The following COL9A1 variants were observed in gnomAD, a reference collection of about 807,000 sequenced individuals.
COL9A1 encodes collagen alpha-1(IX) chain.
A neutral mutation model predicts 142.6 loss-of-function variants in COL9A1; 104 were observed. The ratio of observed to expected loss-of-function variants is 0.73; its 90% CI spans 0.62 to 0.86. COL9A1 has a LOEUF of 0.86. COL9A1 is among the 40% of genes least tolerant of loss of function. The pLI, the probability that COL9A1 is intolerant of heterozygous loss-of-function variation, is 0.00. For synonymous variants in COL9A1, 466 were observed against 396.0 expected, an observed-to-expected ratio of 1.18 and a Z score of -2.10; for missense variants, 1,210 against 1,176.6, an observed-to-expected ratio of 1.03 and a Z score of -0.42.
rs1773333070 is a variant in COL9A1, at chr6:70,283,922, T to G, written c.697-102A>C. ...CGTCTAATTGTTAAATAATTGGAAA[T>G]CAACTTGAACTGGTTGAGCACACTG... is the stretch of plus-strand genomic sequence containing the variant. On this transcript the variant is annotated intron_variant, in intron 5 of 37. Coordinates refer to ENST00000357250, the MANE Select transcript of COL9A1 (RefSeq NM_001851.6). The G allele has an allele frequency of 4.6e-6, 4 of 870,000 alleles. No homozygotes were observed. In the South Asian group the frequency reaches 5.7e-5, roughly 12 times the overall value. The allele number at this position is 870,000 out of a possible 1,614,324, so 53.9% of individuals were successfully genotyped here.
rs1437207075 is a variant in COL9A1 at position 70,217,024 on chromosome 6, G to T, written c.2639C>A (p.Pro880Gln). The T allele has an allele frequency of 6.2e-7, 1 of 1,614,040 alleles. No individual in the cohort carries two copies. Among genetic ancestry groups the T allele is most frequent in the Non-Finnish European group, 8.5e-7 (1 of 1,180,022 alleles). ...RNGRDGERGP[P>Q]GVAGIPGVPG... ...CACTCCAGGAATTCCTGCCACCCCT[G>T]GGGGGCCTCGCTCACCGTCTCGGCC... is the stretch of plus-strand genomic sequence containing the variant. The change falls in exon 38 of 38, where the codon CCA becomes CAA. Residue 880 changes from proline (P) to glutamine (Q), a missense_variant. Transcript: ENST00000357250.
At position 70,263,724 on chromosome 6, in the gene COL9A1, T is replaced by G. The variant is rs56357716; in HGVS notation, c.1342-427A>C. On this transcript the variant is annotated intron_variant, in intron 18 of 37. Coordinates refer to ENST00000357250, the MANE Select transcript of COL9A1 (RefSeq NM_001851.6). ...ATACTATGAAAACTTTTTTGTAAGC[T>G]ACAATATTTTTCATCGTGATTTTTA... Among the ~76,000 whole-genome samples the G allele has an allele frequency of 7.4e-3, 1,127 of 152,094 alleles. 10 individuals are homozygous for G. Among genetic ancestry groups the G allele is most frequent in the Non-Finnish European group, 0.011 (776 of 67,838 alleles).
chr6:70,299,549 T>C (rs946457159), intron 4 of COL9A1, among the ~76,000 whole-genome samples: 7 of 152,182 alleles, frequency 4.6e-5, no homozygotes, highest in Non-Finnish European at 8.8e-5. Flanking sequence ...ATGTCGTTAG[T>C]ATTACTATCA....
chr6:70,302,689 G>A (rs771791676), intron 1 of COL9A1, among the ~76,000 whole-genome samples: 3 of 151,610 alleles, frequency 2.0e-5, no homozygotes, highest in Admixed American at 6.6e-5. Flanking sequence ...TTCTGTGGCC[G>A]TCACTTTCTC....
chr6:70,278,034 A>T (rs577928382), intron 10 of COL9A1, among the ~76,000 whole-genome samples: 1 of 152,330 alleles, frequency 6.6e-6, no homozygotes, highest in South Asian at 2.1e-4. Context: ...AGATTTTTTT[A>T]ATGTCAAATC....
In COL9A1 at chr6:70,216,647, TG is replaced by T; in HGVS notation, c.*249del. ...TATAAATTTATTCAAGGGAGGTGTT[TG>T]GTTTTCTTTTTTTTTTTTTAACTGA... On this transcript the variant is annotated 3_prime_UTR_variant, in exon 38 of 38. Coordinates refer to ENST00000357250, the MANE Select transcript of COL9A1 (RefSeq NM_001851.6). 1.9e-6 allele frequency: 1 copy of T among 517,410 alleles called. No individual in the cohort carries two copies. Among genetic ancestry groups the T allele is most frequent in the Non-Finnish European group, 3.5e-6 (1 of 289,328 alleles). The allele number at this position is 517,410 out of a possible 1,614,324, so 32.1% of individuals were successfully genotyped here. A position where few individuals can be genotyped will look rare whatever the true frequency, so the allele number is the denominator to read the frequency against.
Position 70,239,118 on chromosome 6 carries a change from G to A in COL9A1, c.2112+136C>T, listed in dbSNP as rs539786483. 3.6e-4 allele frequency: 226 copies of A among 632,550 alleles called. 1 individual carries two copies. The highest frequency in any genetic ancestry group is 1.2e-3 in the Admixed American group (44 of 35,790). 39.2% of individuals were successfully genotyped at this position (632,550 alleles called of 1,614,324 possible). ...TGCACCACTGCATTCACGCCTGGGCGACAGAGTGAGACTCCATCTCAAAAA... is the reference window on the plus strand; with the variant it reads ...TGCACCACTGCATTCACGCCTGGGCAACAGAGTGAGACTCCATCTCAAAAA... On this transcript the variant is annotated intron_variant, in intron 33 of 37. Transcript: ENST00000357250.
chr6:70,283,609 G>C (rs111581642), intron 6 of COL9A1, 128 bp downstream of exon 6: 1 of 775,906 alleles, frequency 1.3e-6, no homozygotes, highest in East Asian at 2.7e-5. Context: ...GTACAGCAAA[G>C]CACAGGCTCT....
chr6:70,223,026 G>A (rs938433364), intron 37 of COL9A1, among the ~76,000 whole-genome samples: 4 of 152,152 alleles, frequency 2.6e-5, no homozygotes, highest in African/African-American at 9.7e-5. Context: ...CAATTAACCA[G>A]TGAAAAGATG....
At chr6:70,220,305 AG>A (rs929710631) in intron 37 of COL9A1, among the ~76,000 whole-genome samples, 1 of 152,176 alleles carries the variant, frequency 6.6e-6, no homozygotes, top group Non-Finnish European at 1.5e-5. Flanking sequence ...GCCAGAAATG[AG>A]GACCCTTAAC....
At chr6:70,242,297 C>A in intron 29 of COL9A1, 1 of 584,878 alleles carries the variant, frequency 1.7e-6, no homozygotes, top group Non-Finnish European at 3.1e-6. Context: ...AGTCAAGCCC[C>A]CGCCACCCCC....
At chr6:70,296,482 A>G (rs1583350701) in intron 4 of COL9A1, among the ~76,000 whole-genome samples, 1 of 152,166 alleles carries the variant, frequency 6.6e-6, no homozygotes, top group Admixed American at 6.5e-5. Flanking sequence ...GAAACTGTCT[A>G]CTACATGACT....
At chr6:70,282,755 G>T in intron 7 of COL9A1, 143 bp downstream of exon 7, 1 of 1,252,782 alleles carries the variant, frequency 8.0e-7, no homozygotes, top group Non-Finnish European at 1.1e-6. Flanking sequence ...AGGACTCGCG[G>T]CAGGTGCTCG....
intron 18 of COL9A1, among the ~76,000 whole-genome samples, chr6:70,263,576 G>A (rs1284943041): frequency 6.6e-6 from 1 of 151,856 alleles, no homozygotes; most frequent in African/African-American, 2.4e-5. Flanking sequence ...TCTAAAGTGG[G>A]GGAAAGAGGA....
rs780405287 is a variant in COL9A1, at chr6:70,254,995, G to T, written c.1633C>A (p.Arg545Ser). ...CCAGGCATTCCAGGGATCCCATCACGGCCATCCACACCTGGCAAACCCTAA... is the reference window on the plus strand; with the variant it reads ...CCAGGCATTCCAGGGATCCCATCACTGCCATCCACACCTGGCAAACCCTAA... ...GDTGLPGVDG[R>S]DGIPGMPGTK... is the part of the protein sequence containing the mutation. Residue 545 changes from arginine (R) to serine (S), a missense_variant, in exon 24 of 38, where the codon CGT becomes AGT. Transcript: ENST00000357250. 16 of 1,613,986 alleles carry T rather than the reference G, an allele frequency of 9.9e-6. No homozygotes were observed. Among genetic ancestry groups the T allele is most frequent in the Non-Finnish European group, 1.4e-5 (16 of 1,179,994 alleles).
At chr6:70,277,280 C>G (rs1415307594) in intron 10 of COL9A1, among the ~76,000 whole-genome samples, 2 of 151,480 alleles carry the variant, frequency 1.3e-5, no homozygotes, top group African/African-American at 2.4e-5. Context: ...TTGCTGAGAA[C>G]AGCACAGTTG....
intron 20 of COL9A1, among the ~76,000 whole-genome samples, chr6:70,258,932 G>A (rs1002791393): frequency 6.6e-6 from 1 of 152,088 alleles, no homozygotes; most frequent in African/African-American, 2.4e-5. Context: ...GAAGGTATCA[G>A]CAACTTGAAA....
chr6:70,293,630 TTCA>T (rs1773733956), intron 5 of COL9A1, among the ~76,000 whole-genome samples: 61 of 74,262 alleles, frequency 8.2e-4, no homozygotes, highest in Middle Eastern at 8.2e-3. Context: ...CTCTCTCTCT[TTCA>T]CACACACACA....
chr6:70,234,984 G>C (rs749339036), intron 33 of COL9A1, 44 bp from the exon 34 acceptor site: 2 of 1,613,198 alleles, frequency 1.2e-6, no homozygotes, highest in East Asian at 4.5e-5. Flanking sequence ...TAAGCATAAA[G>C]AATGTGCCTG....
Sources: gnomAD v4.1 joint callset for allele counts (sites outside exome capture counted in the v4.1 genomes callset) on GRCh38, gnomAD v4.1.1 for gene constraint, MANE v1.5 for transcripts, NCBI Gene and HGNC (gene_info 2026-07-23, HGNC 2026-07-21) for gene names.